MAP3K13: variants seen among roughly 807,000 people sequenced by gnomAD.
MAP3K13 encodes mitogen-activated protein kinase kinase kinase 13.
A neutral mutation model predicts 104.0 loss-of-function variants in MAP3K13; 52 were observed. The observed-to-expected ratio is 0.50, with a 90% CI of 0.40 to 0.63. MAP3K13 has a LOEUF of 0.63. Among genes scored for constraint, MAP3K13 ranks in the 20% least tolerant of loss-of-function variants. The probability of loss-of-function intolerance (pLI) is 0.00; values close to 1 mark genes in which losing one functional copy is unlikely to be tolerated. For missense variants in MAP3K13, 914 were observed against 1,218.5 expected, an observed-to-expected ratio of 0.75 and a Z score of 3.72; for synonymous variants, 394 against 442.2, an observed-to-expected ratio of 0.89 and a Z score of 1.37.
Position 185,418,224 on chromosome 3 carries a change from G to C in MAP3K13, c.-85-10273G>C. On this transcript the variant is annotated intron_variant, in intron 1 of 13. Transcript: ENST00000265026. The surrounding 1 kb of genome is among the most constrained non-coding windows in gnomAD (Gnocchi z 4.5). ...CTTTGCCAGCTCTCATTCGCTGAGAGGCATAGACCTTTTCGATATCATTCC... is the reference window on the plus strand; with the variant it reads ...CTTTGCCAGCTCTCATTCGCTGAGACGCATAGACCTTTTCGATATCATTCC... 6.2e-7 allele frequency: 1 copy of C among 1,610,390 alleles called. No homozygotes were observed. The highest frequency in any genetic ancestry group is 8.5e-7 in the Non-Finnish European group (1 of 1,177,962).
chr3:185,441,829 G>A (rs969609904), intron 3 of MAP3K13, among the ~76,000 whole-genome samples: 1 of 152,032 alleles, frequency 6.6e-6, no homozygotes, highest in East Asian at 1.9e-4. Context: ...ATCACCTGAG[G>A]TCAGGAGTTC....
rs769669580 is a variant in MAP3K13 at position 185,477,132 on chromosome 3, C to T, written c.2431-194C>T. On this transcript the variant is annotated intron_variant, in intron 11 of 13. Transcript: ENST00000265026. ...CGTCTTCCAGCATCTCATGCAGGCCCGCCATCATAGGTACCCTGGAAAAGT... is the reference window on the plus strand; with the variant it reads ...CGTCTTCCAGCATCTCATGCAGGCCTGCCATCATAGGTACCCTGGAAAAGT... 48 of 680,500 alleles carry T rather than the reference C, an allele frequency of 7.1e-5. 1 individual carries two copies. The highest frequency in any genetic ancestry group is 4.4e-4 in the South Asian group (29 of 66,578). 42.2% of individuals were successfully genotyped at this position (680,500 alleles called of 1,614,324 possible). A position where few individuals can be genotyped will look rare whatever the true frequency, so the allele number is the denominator to read the frequency against.
intron 2 of MAP3K13, among the ~76,000 whole-genome samples, chr3:185,323,522 G>A (rs972974643): frequency 2.6e-5 from 4 of 151,948 alleles, no homozygotes; most frequent in Non-Finnish European, 2.9e-5. Context: ...TAGTAGAGAT[G>A]GGGTTTTTCA....
In MAP3K13 at chr3:185,428,602, C is replaced by T; in HGVS notation, c.21C>T (p.His7=). The T allele has an allele frequency of 8.1e-6, 13 of 1,600,576 alleles. No individual in the cohort carries two copies. Among genetic ancestry groups the T allele is most frequent in the South Asian group, 1.1e-5 (1 of 89,438 alleles). Residue 7 remains histidine (H), a synonymous_variant, in exon 2 of 14, where the codon CAC becomes CAT. Coordinates refer to ENST00000265026, the MANE Select transcript of MAP3K13 (RefSeq NM_004721.5). ...GCACGATGGCCAACTTTCAGGAGCACCTGAGCTGCTCCTCTTCTCCACACT... is the reference window on the plus strand; with the variant it reads ...GCACGATGGCCAACTTTCAGGAGCATCTGAGCTGCTCCTCTTCTCCACACT... MANFQE[H]LSCSSSPHLP...
intron 2 of MAP3K13, among the ~76,000 whole-genome samples, chr3:185,320,587 A>G (rs919619718): frequency 6.6e-6 from 1 of 152,178 alleles, no homozygotes; most frequent in Non-Finnish European, 1.5e-5. Flanking sequence ...TAGGTTTCCC[A>G]TGGCATTTTC....
At chr3:185,447,654 A>G in intron 4 of MAP3K13, 135 bp from the exon 5 acceptor site, 1 of 638,836 alleles carries the variant, frequency 1.6e-6, no homozygotes. Flanking sequence ...CCAATGCCCC[A>G]GTGACATTGG....
chr3:185,438,177 T>C (rs1393305924), intron 3 of MAP3K13, among the ~76,000 whole-genome samples: 1 of 151,902 alleles, frequency 6.6e-6, no homozygotes, highest in Non-Finnish European at 1.5e-5. Flanking sequence ...AGGCCTGTAG[T>C]CCTACCTACT....
At chr3:185,378,772 T>A (rs545752697) in intron 1 of MAP3K13, among the ~76,000 whole-genome samples, 1 of 152,280 alleles carries the variant, frequency 6.6e-6, no homozygotes, top group South Asian at 2.1e-4. Context: ...TGTAAAAGAA[T>A]GCCTGGATGT....
chr3:185,474,243 T>A, intron 11 of MAP3K13, among the ~76,000 whole-genome samples: 1 of 152,162 alleles, frequency 6.6e-6, no homozygotes, highest in Non-Finnish European at 1.5e-5. Context: ...TGAGAATTGC[T>A]TGAACCTGGG....
intron 2 of MAP3K13, among the ~76,000 whole-genome samples, chr3:185,330,083 A>T (rs1295297757): frequency 6.2e-5 from 4 of 64,476 alleles, no homozygotes; most frequent in Admixed American, 4.3e-4. Flanking sequence ...TTTTTTTTTT[A>T]GTAGAGATGG....
chr3:185,461,671 TC>T lies in MAP3K13; in HGVS notation c.1279-1877del, dbSNP rs536350480. On this transcript the variant is annotated intron_variant, in intron 7 of 13. Transcript: ENST00000265026. ...TCTGCCTCCCGGGTTCAAGCGGTTC[TC>T]CTGCCTCAGCCTGCCGAATAGCTGG... Among the ~76,000 whole-genome samples, 629 of 152,292 alleles carry T rather than the reference TC, an allele frequency of 4.1e-3. 5 individuals are homozygous for T. The highest frequency in any genetic ancestry group is 0.014 in the African/African-American group (592 of 41,560).
At chr3:185,419,406 A>G (rs1213096619) in intron 1 of MAP3K13, among the ~76,000 whole-genome samples, 1 of 152,252 alleles carries the variant, frequency 6.6e-6, no homozygotes, top group Non-Finnish European at 1.5e-5. Flanking sequence ...CTGAAAATAT[A>G]GTGAAGTGGG....
At chr3:185,288,536 GTGTGTATA>G (rs1296880136) in intron 2 of MAP3K13, among the ~76,000 whole-genome samples, 4 of 150,688 alleles carry the variant, frequency 2.7e-5, no homozygotes, top group African/African-American at 7.3e-5. Context: ...GTGTGTGTTT[GTGTGTATA>G]TATATATTCC....
chr3:185,461,521 TG>T (rs1717100822), intron 7 of MAP3K13, among the ~76,000 whole-genome samples: 1 of 152,126 alleles, frequency 6.6e-6, no homozygotes, highest in African/African-American at 2.4e-5. Context: ...CTATTATTGT[TG>T]TACACTTAAT....
At chr3:185,335,759 A>G (rs1310644861) in intron 2 of MAP3K13, among the ~76,000 whole-genome samples, 2 of 152,190 alleles carry the variant, frequency 1.3e-5, no homozygotes, top group African/African-American at 4.8e-5. Context: ...TTATTTATGA[A>G]ATAAGAAAGC....
At chr3:185,359,688 G>C (rs1042567916), upstream of MAP3K13, among the ~76,000 whole-genome samples, 5 of 152,066 alleles carry the variant, frequency 3.3e-5, no homozygotes, top group African/African-American at 9.7e-5. Context: ...CTGAAACTCA[G>C]GTTTACCTGA....
intron 2 of MAP3K13, among the ~76,000 whole-genome samples, chr3:185,321,903 C>T (rs945241567): frequency 1.3e-5 from 2 of 152,212 alleles, no homozygotes; most frequent in East Asian, 1.9e-4. Flanking sequence ...CACGCCCGGC[C>T]GTGACTGAGT....
chr3:185,460,679 G>C (rs925720437), intron 7 of MAP3K13, among the ~76,000 whole-genome samples: 1 of 152,176 alleles, frequency 6.6e-6, no homozygotes, highest in African/African-American at 2.4e-5. Context: ...ACAAGTGCCA[G>C]GAATAGGATA....
At chr3:185,303,771 C>CAA (rs1171586960) in intron 2 of MAP3K13, among the ~76,000 whole-genome samples, 3 of 150,946 alleles carry the variant, frequency 2.0e-5, no homozygotes, top group Non-Finnish European at 4.4e-5. Flanking sequence ...AAGACAAGTT[C>CAA]TTAGTTTTGC....
Sources: allele counts gnomAD v4.1 joint callset (sites outside exome capture counted in the v4.1 genomes callset), GRCh38; gene constraint gnomAD v4.1.1; non-coding constraint Gnocchi (gnomAD v3.1); transcripts MANE v1.5; gene names NCBI Gene and HGNC (gene_info 2026-07-23, HGNC 2026-07-21).